The following MTSS2 variants were observed in gnomAD, a reference collection of about 807,000 sequenced individuals.
The protein encoded by MTSS2 is protein MTSS 2.
In MTSS2, 27 loss-of-function variants were observed where a neutral mutation model predicts 67.1. The ratio of observed to expected loss-of-function variants is 0.40; its 90% CI spans 0.30 to 0.55. The LOEUF is 0.55. Among genes scored for constraint, MTSS2 ranks in the 20% least tolerant of loss-of-function variants. The pLI, the probability that MTSS2 is intolerant of heterozygous loss-of-function variation, is 0.43. For synonymous variants in MTSS2, 624 were observed against 468.6 expected (o/e 1.33, Z -4.28); for missense variants, 1,171 against 1,067.8 (o/e 1.10, Z -1.35).
intron 11 of MTSS2, among the ~76,000 whole-genome samples, chr16:70,672,798 G>C (rs1403299600): frequency 1.3e-5 from 2 of 151,976 alleles, no homozygotes; most frequent in African/African-American, 4.8e-5. Flanking sequence ...AAGATAGAAA[G>C]AGAGGGCTGG....
Position 70,674,254 on chromosome 16 carries a change from G to A in MTSS2, c.1053+52C>T, listed in dbSNP as rs1000252289. On this transcript the variant is annotated intron_variant, in intron 11 of 14. Coordinates refer to ENST00000338779, the MANE Select transcript of MTSS2 (RefSeq NM_138383.3). The stretch of plus-strand genomic sequence containing the variant: ...TCCCGCATGTGGCTTGCCTGATGCT[G>A]GCATAAGGCTGCTGCACCCCACCCT... 4 of 1,546,456 alleles carry A rather than the reference G, an allele frequency of 2.6e-6. No individual in the cohort carries two copies. In the African/African-American group the frequency reaches 5.4e-5, roughly 21 times the overall value.
chr16:70,666,306 T>G (rs1343665987), intron 11 of MTSS2, among the ~76,000 whole-genome samples: 1 of 152,044 alleles, frequency 6.6e-6, no homozygotes, highest in Admixed American at 6.5e-5. Flanking sequence ...GGGAAGGCTG[T>G]TTTAAAGTGG....
At chr16:70,681,067 G>A (rs753550152) in intron 1 of MTSS2, 42 bp from the exon 2 acceptor site, 2 of 1,575,416 alleles carry the variant, frequency 1.3e-6, no homozygotes, top group Non-Finnish European at 1.7e-6. Context: ...CTTGTGGGGT[G>A]GTTGCAGGGC....
intron 6 of MTSS2, 146 bp from the exon 7 acceptor site, chr16:70,679,469 G>A: frequency 8.0e-7 from 1 of 1,248,384 alleles, no homozygotes; most frequent in Non-Finnish European, 1.1e-6. Flanking sequence ...CAGGTTTGGG[G>A]GGAAGGGCAG....
Position 70,663,610 on chromosome 16 carries a change from GCCTGCGGCTCACAGAC to G in MTSS2, c.*51_*66del. ...TCCTGGCTGGGCCTTTGCTCTGAGTGCCTGCGGCTCACAGACCAGGCCACCTGCTCGCACTGGGGCC... is the reference window on the plus strand; with the variant it reads ...TCCTGGCTGGGCCTTTGCTCTGAGTGCAGGCCACCTGCTCGCACTGGGGCC... On this transcript the variant is annotated 3_prime_UTR_variant, in exon 15 of 15. Coordinates refer to ENST00000338779, the MANE Select transcript of MTSS2 (RefSeq NM_138383.3). 2 of 1,473,070 alleles carry G rather than the reference GCCTGCGGCTCACAGAC, an allele frequency of 1.4e-6. No individual in the cohort carries two copies. Among genetic ancestry groups the G allele is most frequent in the Non-Finnish European group, 1.8e-6 (2 of 1,110,566 alleles). The allele number at this position is 1,473,070 out of a possible 1,614,324, so 91.2% of individuals were successfully genotyped here. A position where few individuals can be genotyped will look rare whatever the true frequency, so the allele number is the denominator to read the frequency against.
At position 70,664,635 on chromosome 16, in the gene MTSS2, G is replaced by A; in HGVS notation, c.1434C>T (p.Thr478=). The change falls in exon 14 of 15, where the codon ACC becomes ACT. Residue 478 remains threonine (T), a synonymous_variant. Coordinates refer to ENST00000338779, the MANE Select transcript of MTSS2 (RefSeq NM_138383.3). ...TGGTGTCCTCAGAGCAGGAGGGCGT[G>A]GTGGTCTGCGTGCTGTAGCCGCTGG... ...QYSSGYSTQT[T]TPSCSEDTIP... 6.2e-7 allele frequency: 1 copy of A among 1,613,280 alleles called. No homozygotes were observed. Among genetic ancestry groups the A allele is most frequent in the Non-Finnish European group, 8.5e-7 (1 of 1,179,908 alleles).
At chr16:70,677,714 C>G in intron 9 of MTSS2, 78 bp downstream of exon 9, 2 of 1,147,786 alleles carry the variant, frequency 1.7e-6, no homozygotes, top group Non-Finnish European at 2.5e-6. Flanking sequence ...CCTCTTTTCC[C>G]CTTTACTGTT....
In MTSS2 at chr16:70,664,495, T is replaced by TGCCCCCA. The variant is rs768171457; in HGVS notation, c.1472-53_1472-47dup. On this transcript the variant is annotated intron_variant, in intron 14 of 14. Coordinates refer to ENST00000338779, the MANE Select transcript of MTSS2 (RefSeq NM_138383.3). ...GAGGCCCAGGGCCCAGGTGGCCCCT[T>TGCCCCCA]GCCCCCAGCCCACCAGGGTGAGCAC... The TGCCCCCA allele has an allele frequency of 3.2e-5, 50 of 1,546,002 alleles. No individual in the cohort carries two copies. The African/African-American group carries it at 5.3e-4, about 16-fold the overall frequency.
chr16:70,680,909 G>T (rs201953010), intron 2 of MTSS2, 42 bp from the exon 3 acceptor site: 4 of 1,053,200 alleles, frequency 3.8e-6, no homozygotes, highest in Non-Finnish European at 3.8e-6. Context: ...GTGGTTGGGC[G>T]GGGGGGGGGC....
intron 6 of MTSS2, 102 bp downstream of exon 6, chr16:70,679,528 C>A: frequency 1.5e-6 from 2 of 1,337,622 alleles, no homozygotes; most frequent in East Asian, 2.5e-5. Flanking sequence ...TCGGGGACAG[C>A]GCCCCTCTGG....
chr16:70,667,950 T>G (rs571599720), intron 11 of MTSS2, among the ~76,000 whole-genome samples: 28 of 149,500 alleles, frequency 1.9e-4, no homozygotes, highest in Non-Finnish European at 2.8e-4. Context: ...CAGAGGGATA[T>G]CTGCAATTCC....
chr16:70,665,438 G>A (rs1436793647), intron 12 of MTSS2, 28 bp downstream of exon 12: 1 of 1,544,524 alleles, frequency 6.5e-7, no homozygotes, highest in East Asian at 2.4e-5. Context: ...GCTGGTGACT[G>A]TCCTGGGGCC....
At chr16:70,674,203 T>C in intron 11 of MTSS2, 103 bp downstream of exon 11, 1 of 175,444 alleles carries the variant, frequency 5.7e-6, no homozygotes, top group East Asian at 8.0e-5. Context: ...TCTCAACAGC[T>C]ATAGTAGTCT....
At chr16:70,679,949 C>T in intron 4 of MTSS2, 22 bp downstream of exon 4, 1 of 1,480,680 alleles carries the variant, frequency 6.8e-7, no homozygotes, top group Non-Finnish European at 8.9e-7. Context: ...CGCCCCCCTG[C>T]CCGCCCGCAG....
chr16:70,680,909 G>A (rs201953010), intron 2 of MTSS2, 42 bp from the exon 3 acceptor site: 47 of 1,053,200 alleles, frequency 4.5e-5, no homozygotes, highest in Middle Eastern at 2.5e-4. Context: ...GTGGTTGGGC[G>A]GGGGGGGGGC....
chr16:70,681,089 C>G, intron 1 of MTSS2, 64 bp from the exon 2 acceptor site: 17 of 1,479,268 alleles, frequency 1.1e-5, no homozygotes, highest in South Asian at 2.5e-5. Flanking sequence ...TGACCTGGGC[C>G]GGGCTCCCTG....
At position 70,679,615 on chromosome 16, in the gene MTSS2, C is replaced by T. The variant is rs2053232553; in HGVS notation, c.457+15G>A. On this transcript the variant is annotated intron_variant, in intron 6 of 14. Coordinates refer to ENST00000338779, the MANE Select transcript of MTSS2 (RefSeq NM_138383.3). Reference sequence around the variant, plus strand: ...GGCCGTGGGGCTGTGGCTGGGGGGCCGCGCCAGGCACTACCTTTGCGCGCC... The same window carrying T: ...GGCCGTGGGGCTGTGGCTGGGGGGCTGCGCCAGGCACTACCTTTGCGCGCC... 6.3e-7 allele frequency: 1 copy of T among 1,587,204 alleles called. No individual in the cohort carries two copies. Among genetic ancestry groups the T allele is most frequent in the Non-Finnish European group, 8.6e-7 (1 of 1,166,688 alleles).
chr16:70,663,444 A>T lies in MTSS2; in HGVS notation c.*233T>A. Reference sequence around the variant, plus strand: ...AAGAGGAGGGACCGAAGAGCATAAAACAGACCCCGAACCAGGCCCAGGCCT... The same window carrying T: ...AAGAGGAGGGACCGAAGAGCATAAATCAGACCCCGAACCAGGCCCAGGCCT... On this transcript the variant is annotated 3_prime_UTR_variant, in exon 15 of 15. Coordinates refer to ENST00000338779, the MANE Select transcript of MTSS2 (RefSeq NM_138383.3). 1.4e-6 allele frequency: 1 copy of T among 717,734 alleles called. No homozygotes were observed. Among genetic ancestry groups the T allele is most frequent in the Non-Finnish European group, 2.2e-6 (1 of 462,658 alleles). 44.5% of individuals were successfully genotyped at this position (717,734 alleles called of 1,614,324 possible).
chr16:70,664,550 G>A (rs769407256), intron 14 of MTSS2, 48 bp downstream of exon 14: 1 of 1,596,948 alleles, frequency 6.3e-7, no homozygotes, highest in Admixed American at 1.7e-5. Context: ...CCTCCTGGAT[G>A]GCTAAGTCCC....
Sources: gnomAD v4.1 joint callset for allele counts (sites outside exome capture counted in the v4.1 genomes callset) on GRCh38, gnomAD v4.1.1 for gene constraint, MANE v1.5 for transcripts, NCBI Gene and HGNC (gene_info 2026-07-23, HGNC 2026-07-21) for gene names.